VCL: variants seen among roughly 807,000 people sequenced by gnomAD.
VCL encodes the protein vinculin.
A neutral mutation model predicts 125.7 loss-of-function variants in VCL; 47 were observed. The observed-to-expected ratio is 0.37, with a 90% CI of 0.30 to 0.48. VCL has a LOEUF of 0.48. VCL is among the 20% of genes least tolerant of loss of function. VCL has a pLI of 0.99. For missense variants in VCL, 1,069 were observed against 1,455.5 expected (o/e 0.73, Z 4.32); for synonymous variants, 458 against 514.6 (o/e 0.89, Z 1.49).
intron 2 of VCL, among the ~76,000 whole-genome samples, chr10:74,060,655 C>CAAAAAAAA: frequency 9.2e-6 from 1 of 109,134 alleles, no homozygotes; most frequent in Middle Eastern, 4.4e-3. Flanking sequence ...GACTCTGTCT[C>CAAAAAAAA]AAAAAAAAAA....
In VCL at chr10:74,095,649, G is replaced by C; in HGVS notation, c.1544-7G>C. On this transcript the variant is annotated splice_region_variant and splice_polypyrimidine_tract_variant and intron_variant, in intron 11 of 21. Transcript: ENST00000211998. ...TTGTAAGTTTCATTGTTTTTCTCTT[G>C]GTCCAGGTCAGGCTGCCATCCGGGG... 6.2e-7 allele frequency: 1 copy of C among 1,613,506 alleles called. No individual in the cohort carries two copies. Among genetic ancestry groups the C allele is most frequent in the Non-Finnish European group, 8.5e-7 (1 of 1,180,022 alleles).
chr10:74,060,952 A>C lies in VCL; in HGVS notation c.240-9718A>C, dbSNP rs547731951. On this transcript the variant is annotated intron_variant, in intron 2 of 21. Transcript: ENST00000211998. ...GATCCCATAAGGCTGTCATTGGTCC[A>C]TTTGATATATAGCATAAGATTTTTT... Among the ~76,000 whole-genome samples, 31 of 152,230 alleles carry C rather than the reference A, an allele frequency of 2.0e-4. 1 individual carries two copies. The South Asian group carries it at 6.4e-3, about 32-fold the overall frequency.
At chr10:74,100,314 G>A (rs1840031881) in intron 13 of VCL, among the ~76,000 whole-genome samples, 1 of 152,192 alleles carries the variant, frequency 6.6e-6, no homozygotes, top group Admixed American at 6.5e-5. Flanking sequence ...TAGAATTTGA[G>A]AGCTGAATGA....
At chr10:74,104,985 T>C in intron 15 of VCL, 66 bp from the exon 16 acceptor site, 1 of 1,555,060 alleles carries the variant, frequency 6.4e-7, no homozygotes, top group Non-Finnish European at 8.8e-7. Context: ...TTTGAGTGGA[T>C]AACAGTGTTT....
intron 15 of VCL, among the ~76,000 whole-genome samples, chr10:74,104,627 C>A (rs985679437): frequency 6.6e-6 from 1 of 152,082 alleles, no homozygotes; most frequent in African/African-American, 2.4e-5. Flanking sequence ...TTATTGGAAT[C>A]CTCCGCATGG....
At chr10:74,104,190 A>G (rs904310597) in intron 15 of VCL, among the ~76,000 whole-genome samples, 2 of 152,084 alleles carry the variant, frequency 1.3e-5, no homozygotes, top group East Asian at 1.9e-4. Context: ...CACCACTCCT[A>G]TCTTCTCTTT....
At chr10:74,114,986 C>G in intron 21 of VCL, 87 bp downstream of exon 21, 1 of 1,240,888 alleles carries the variant, frequency 8.1e-7, no homozygotes, top group Non-Finnish European at 1.2e-6. Context: ...AATTTTACCC[C>G]TTAATTGAGT....
Position 74,072,786 on chromosome 10 carries a change from G to C in VCL, c.556G>C (p.Glu186Gln). ...GAGACAGCAGGAGCTCACTCACCAG[G>C]AGCACCGAGTGATGTTGGTGAACTC... ...DERQQELTHQEHRVMLVNSMN... is the reference protein window; with the variant it reads ...DERQQELTHQQHRVMLVNSMN... Residue 186 changes from glutamate (E) to glutamine (Q), a missense_variant, in exon 5 of 22, where the codon GAG (glutamate) becomes CAG (glutamine). Glu to Gln is a conservative substitution (Grantham distance 29). This residue lies in a region of VCL where 760 missense variants were observed against 928.9 expected (regional missense o/e 0.82). Transcript: ENST00000211998. The C allele has an allele frequency of 6.2e-7, 1 of 1,614,098 alleles. No homozygotes were observed. Among genetic ancestry groups the C allele is most frequent in the Non-Finnish European group, 8.5e-7 (1 of 1,180,012 alleles).
intron 1 of VCL, among the ~76,000 whole-genome samples, chr10:74,012,098 G>C (rs1431843268): frequency 1.3e-5 from 2 of 152,156 alleles, no homozygotes; most frequent in Non-Finnish European, 2.9e-5. Flanking sequence ...GAAAGAAATG[G>C]CACAGTTGTT....
chr10:74,105,101 G>A lies in VCL; in HGVS notation c.2182G>A (p.Glu728Lys), dbSNP rs144717954. The change falls in exon 16 of 22, where the codon GAA (glutamate) becomes AAA (lysine). Residue 728 changes from glutamate to lysine, a missense_variant. Around this residue, in one of 6 missense-constraint regions of VCL, gnomAD observed 760 missense variants for 928.9 expected, o/e 0.82. Coordinates refer to ENST00000211998, the MANE Select transcript of VCL (RefSeq NM_014000.3). ...CAAATCTCTGTTGGATGCTTCAGAA[G>A]AAGCAATTAAAAAAGACCTGGACAA... Reference protein sequence around the residue: ...DTKSLLDASEEAIKKDLDKCK... With the variant: ...DTKSLLDASEKAIKKDLDKCK... 6.2e-7 allele frequency: 1 copy of A among 1,614,090 alleles called. No homozygotes were observed. Among genetic ancestry groups the A allele is most frequent in the African/African-American group, 1.3e-5 (1 of 74,916 alleles).
In VCL at chr10:74,112,080, T is replaced by C; in HGVS notation, c.2917T>C (p.Leu973=). Residue 973 remains leucine (L), a synonymous_variant, in exon 19 of 22, where the codon TTG becomes CTG. Coordinates refer to ENST00000211998, the MANE Select transcript of VCL (RefSeq NM_014000.3). ...GCCCATTCTGGCCGCGGCTCAGTCC[T>C]TGCATCGGGAAGCTACCAAGTGGTC... The part of the protein sequence containing the change: ...NQPILAAAQS[L]HREATKWSSK... The C allele has an allele frequency of 6.2e-7, 1 of 1,614,198 alleles. No homozygotes were observed. The highest frequency in any genetic ancestry group is 2.2e-5 in the East Asian group (1 of 44,880).
intron 2 of VCL, among the ~76,000 whole-genome samples, chr10:74,062,174 A>G (rs1469071387): frequency 6.6e-6 from 1 of 151,764 alleles, no homozygotes; most frequent in Non-Finnish European, 1.5e-5. Context: ...TAGGTGATCC[A>G]GCCACCTCAG....
chr10:74,081,740 G>T (rs11000868), intron 6 of VCL, among the ~76,000 whole-genome samples: 2 of 152,050 alleles, frequency 1.3e-5, no homozygotes, highest in South Asian at 4.1e-4. Context: ...GATAGTCCTC[G>T]TGAATCCTGG....
chr10:74,089,999 C>T (rs1223218107), intron 9 of VCL, 24 bp from the exon 10 acceptor site: 1 of 1,614,084 alleles, frequency 6.2e-7, no homozygotes, highest in South Asian at 1.1e-5. Flanking sequence ...TCACAGCGTG[C>T]TGCTTCTCCG....
intron 15 of VCL, among the ~76,000 whole-genome samples, 158 bp downstream of exon 15, chr10:74,104,086 C>A (rs762220567): frequency 1.2e-4 from 19 of 152,310 alleles, no homozygotes; most frequent in Non-Finnish European, 2.5e-4. Flanking sequence ...TGAGCAGTGG[C>A]GGCTTCTCAT....
chr10:74,052,443 C>T (rs1841318668), intron 2 of VCL, among the ~76,000 whole-genome samples: 1 of 134,798 alleles, frequency 7.4e-6, no homozygotes, highest in Non-Finnish European at 1.5e-5. Flanking sequence ...GTAGCGTGAT[C>T]TCAGCTCACT....
Position 74,118,118 on chromosome 10 carries a change from A to G in VCL, c.3354A>G (p.Thr1118=). Residue 1118 remains threonine, a synonymous_variant, in exon 22 of 22, where the codon ACA becomes ACG. Transcript: ENST00000211998. ...AAGCTGCTTCAATCAAAATTCGAAC[A>G]GATGCTGGATTTACACTGCGCTGGG... The part of the protein sequence containing the change: ...EAEAASIKIR[T]DAGFTLRWVR... The G allele has an allele frequency of 1.2e-6, 2 of 1,614,184 alleles. No homozygotes were observed.
intron 19 of VCL, among the ~76,000 whole-genome samples, chr10:74,112,891 C>T (rs933982509): frequency 3.3e-5 from 5 of 152,142 alleles, no homozygotes; most frequent in Non-Finnish European, 5.9e-5. Context: ...TTCTAACCAA[C>T]GTGATGGGGT....
chr10:74,089,481 T>C (rs1340848124), intron 9 of VCL, 132 bp downstream of exon 9: 11 of 1,319,404 alleles, frequency 8.3e-6, no homozygotes, highest in Non-Finnish European at 1.2e-5. Context: ...ATGAGTGACT[T>C]CCAGCACTTA....
Sources: gnomAD v4.1 joint callset for allele counts (sites outside exome capture counted in the v4.1 genomes callset) on GRCh38, gnomAD v4.1.1 for gene constraint, gnomAD v4.1.1 regional missense constraint, MANE v1.5 for transcripts, NCBI Gene and HGNC (gene_info 2026-07-23, HGNC 2026-07-21) for gene names.